Variants in PIEZO2 observed in about 807,000 individuals in gnomAD.
The protein encoded by PIEZO2 is piezo type mechanosensitive ion channel component 2, also known as piezo-type mechanosensitive ion channel component 2.
Under a neutral mutation model 337.3 loss-of-function variants are expected in PIEZO2, and 172 were observed. The ratio of observed to expected loss-of-function variants is 0.51; its 90% CI spans 0.45 to 0.58. The LOEUF is 0.58. Among genes scored for constraint, PIEZO2 ranks in the 20% least tolerant of loss-of-function variants. PIEZO2 has a pLI of 0.00. For synonymous variants in PIEZO2, 1,251 were observed against 1,228.5 expected (o/e 1.02, Z -0.38); for missense variants, 3,028 against 3,391.3 (o/e 0.89, Z 2.66).
intron 1 of PIEZO2, among the ~76,000 whole-genome samples, chr18:11,140,152 C>T (rs1599020825): frequency 6.6e-6 from 1 of 152,208 alleles, no homozygotes; most frequent in Admixed American, 6.5e-5. Flanking sequence ...TCTTCATGGA[C>T]ACCTGAGGCT....
intron 49 of PIEZO2, among the ~76,000 whole-genome samples, chr18:10,685,418 C>T (rs975741663): frequency 7.9e-5 from 12 of 152,180 alleles, no homozygotes; most frequent in African/African-American, 2.9e-4. Context: ...GAAGTATATA[C>T]TTAAGTAGCT....
Position 11,132,563 on chromosome 18 carries a change from G to C in PIEZO2, c.64+15962C>G, listed in dbSNP as rs2040371313. 6.6e-6 allele frequency among the ~76,000 whole-genome samples: 1 copy of C among 152,140 alleles called. No individual in the cohort carries two copies. Among genetic ancestry groups the C allele is most frequent in the Non-Finnish European group, 1.5e-5 (1 of 68,028 alleles). ...CGGGAATCAGAAGGTAGAAGTAGAA[G>C]TGGCACCACTCACAATCATCCCTAG... On this transcript the variant is annotated intron_variant, in intron 1 of 55. Transcript: ENST00000674853. This position sits in a 1 kb window ranked among gnomAD's most constrained non-coding sequence, Gnocchi z 4.7.
intron 30 of PIEZO2, 99 bp from the exon 31 acceptor site, chr18:10,744,330 C>T (rs2143681377): frequency 9.3e-6 from 7 of 755,580 alleles, no homozygotes; most frequent in Middle Eastern, 2.7e-4. Context: ...CATAACATCT[C>T]TTAATGGCAG....
intron 2 of PIEZO2, among the ~76,000 whole-genome samples, chr18:11,058,684 G>A (rs2037820358): frequency 6.6e-6 from 1 of 152,140 alleles, no homozygotes; most frequent in African/African-American, 2.4e-5. Flanking sequence ...GGTGATGGAA[G>A]ATGAAATGAA....
In PIEZO2 at chr18:10,892,200, T is replaced by C. The variant is rs538320050; in HGVS notation, c.329+18986A>G. ...GATAACTGATTATATAATGTCTATA[T>C]AATGGAATACCATTAGCAATAAAAG... On this transcript the variant is annotated intron_variant, in intron 4 of 55. Transcript: ENST00000674853. Among the ~76,000 whole-genome samples the C allele has an allele frequency of 1.1e-3, 166 of 152,314 alleles. 1 individual carries two copies. Among genetic ancestry groups the C allele is most frequent in the African/African-American group, 3.9e-3 (164 of 41,568 alleles).
chr18:10,689,507 T>G, intron 49 of PIEZO2, 148 bp downstream of exon 49: 1 of 1,019,172 alleles, frequency 9.8e-7, no homozygotes, highest in Non-Finnish European at 1.5e-6. Context: ...TTCCCAACTC[T>G]AGTGGGTTGG....
At chr18:11,136,167 A>G (rs574730404) in intron 1 of PIEZO2, among the ~76,000 whole-genome samples, 241 of 152,342 alleles carry the variant, frequency 1.6e-3, no homozygotes, top group Non-Finnish European at 2.6e-3. Context: ...CAAAATAGTG[A>G]TAAGTGGAGT....
intron 8 of PIEZO2, among the ~76,000 whole-genome samples, chr18:10,806,622 C>A (rs1484757303): frequency 6.6e-6 from 1 of 151,940 alleles, no homozygotes; most frequent in East Asian, 1.9e-4. Context: ...TTGGGAAACA[C>A]CAGTCCTCTT....
intron 3 of PIEZO2, among the ~76,000 whole-genome samples, chr18:10,937,566 A>T (rs567341132): frequency 6.6e-6 from 1 of 152,330 alleles, no homozygotes; most frequent in East Asian, 1.9e-4. Flanking sequence ...TCCATGTAAC[A>T]GGTGAAAGCT....
intron 4 of PIEZO2, among the ~76,000 whole-genome samples, chr18:10,900,511 G>A (rs2043018582): frequency 1.3e-5 from 2 of 152,166 alleles, no homozygotes; most frequent in South Asian, 2.1e-4. Flanking sequence ...CAATGGGTTT[G>A]AACAAAATCT....
intron 51 of PIEZO2, 122 bp from the exon 52 acceptor site, chr18:10,680,493 T>C (rs2034217158): frequency 1.1e-6 from 1 of 931,442 alleles, no homozygotes; most frequent in Non-Finnish European, 1.6e-6. Context: ...AGGGAATATT[T>C]TTATAATGGA....
intron 3 of PIEZO2, among the ~76,000 whole-genome samples, chr18:10,927,949 C>T (rs930996545): frequency 2.6e-5 from 4 of 151,738 alleles, no homozygotes; most frequent in Non-Finnish European, 4.4e-5. Context: ...GGAGACCAAA[C>T]CCAAAGAACT....
intron 8 of PIEZO2, among the ~76,000 whole-genome samples, chr18:10,805,090 A>G (rs2039955306): frequency 6.6e-6 from 1 of 152,242 alleles, no homozygotes; most frequent in African/African-American, 2.4e-5. Context: ...ACCCAAAGTT[A>G]TAACGGAGCC....
At chr18:10,924,751 TC>T (rs1280116446) in intron 3 of PIEZO2, among the ~76,000 whole-genome samples, 4 of 152,242 alleles carry the variant, frequency 2.6e-5, no homozygotes, top group Non-Finnish European at 5.9e-5. Flanking sequence ...ATTCTCAGTT[TC>T]CATAGGCGGA....
chr18:10,777,041 G>T (rs1365443430), intron 18 of PIEZO2, among the ~76,000 whole-genome samples: 1 of 152,120 alleles, frequency 6.6e-6, no homozygotes, highest in African/African-American at 2.4e-5. Flanking sequence ...TTGACTTTGG[G>T]ACTCCAAATA....
In PIEZO2 at chr18:10,881,172, T is replaced by C. The variant is rs938539391; in HGVS notation, c.330-9757A>G. On this transcript the variant is annotated intron_variant, in intron 4 of 55. Transcript: ENST00000674853. ...CCACAAAACAGTCATTAAACGCAGA[T>C]ATCTAATTACCTTAAGGTATGAATT... Among the ~76,000 whole-genome samples, 3 of 152,130 alleles carry C rather than the reference T, an allele frequency of 2.0e-5. No individual in the cohort carries two copies. The East Asian group carries it at 5.8e-4, about 29-fold the overall frequency.
intron 4 of PIEZO2, among the ~76,000 whole-genome samples, chr18:10,897,753 A>C (rs1402373942): frequency 6.6e-6 from 1 of 152,264 alleles, no homozygotes; most frequent in Admixed American, 6.5e-5. Flanking sequence ...CTCAAGGTGA[A>C]AGGAAAATCC....
chr18:10,693,617 C>T (rs1011212480), intron 47 of PIEZO2, among the ~76,000 whole-genome samples: 10 of 151,724 alleles, frequency 6.6e-5, no homozygotes, highest in Admixed American at 2.0e-4. Context: ...CCACCTGGCC[C>T]AGCCTCCCAT....
rs2039558115 is a variant in PIEZO2, at chr18:10,795,379, ATTTTATTTTAT to A, written c.1528-388_1528-378del. 1.5e-5 allele frequency among the ~76,000 whole-genome samples: 1 copy of A among 64,870 alleles called. No individual in the cohort carries two copies. The highest frequency in any genetic ancestry group is 4.4e-4 in the South Asian group (1 of 2,296). The allele number at this position is 64,870 out of a possible 152,430, so 42.6% of individuals were successfully genotyped here. ...ATTTTATTTTATTTTATTTTATTTT[ATTTTATTTTAT>A]TTTATTTTATTTTATTTTATTCAGC... On this transcript the variant is annotated intron_variant, in intron 12 of 55. Transcript: ENST00000674853. This position sits in a 1 kb window ranked among gnomAD's most constrained non-coding sequence, Gnocchi z 4.4.
Sources: allele counts gnomAD v4.1 joint callset (sites outside exome capture counted in the v4.1 genomes callset), GRCh38; gene constraint gnomAD v4.1.1; non-coding constraint Gnocchi (gnomAD v3.1); transcripts MANE v1.5; gene names NCBI Gene and HGNC (gene_info 2026-07-23, HGNC 2026-07-21).